The following ENDOU variants were observed in gnomAD, a reference collection of about 807,000 sequenced individuals.
ENDOU encodes the protein endonuclease, poly(U) specific, also known as uridylate-specific endoribonuclease.
Under a neutral mutation model 54.2 loss-of-function variants are expected in ENDOU, and 49 were observed. The ratio of observed to expected loss-of-function variants is 0.90; its 90% CI spans 0.72 to 1.15. ENDOU has a LOEUF of 1.15. Ranked by LOEUF, ENDOU falls within the 50% of genes most tolerant of loss-of-function variation. ENDOU has a pLI of 0.00. For synonymous variants in ENDOU, 172 were observed against 190.5 expected, an observed-to-expected ratio of 0.90 and a Z score of 0.80; for missense variants, 458 against 511.4, an observed-to-expected ratio of 0.90 and a Z score of 1.01.
intron 4 of ENDOU, 162 bp downstream of exon 4, chr12:47,717,356 C>T (rs1940285086): frequency 2.5e-6 from 2 of 804,706 alleles, no homozygotes; most frequent in Non-Finnish European, 4.0e-6. Context: ...AGTCCCATCC[C>T]TAGAGTTTCT....
At position 47,716,888 on chromosome 12, in the gene ENDOU, A is replaced by C. The variant is rs1940261137; in HGVS notation, c.551+2T>G. On this transcript the variant is annotated splice_donor_variant, in intron 5 of 9. Transcript: ENST00000422538. LOFTEE classifies it high-confidence loss of function. Reference sequence around the variant, plus strand: ...GTAGAAAGAGGAATTGTGGGAACTCACGGCTTTGGGCAGCGATCCACTTGG... The same window carrying C: ...GTAGAAAGAGGAATTGTGGGAACTCCCGGCTTTGGGCAGCGATCCACTTGG... 2 of 1,613,884 alleles carry C rather than the reference A, an allele frequency of 1.2e-6. No homozygotes were observed. Among genetic ancestry groups the C allele is most frequent in the Non-Finnish European group, 1.7e-6 (2 of 1,180,008 alleles).
chr12:47,711,009 G>T, intron 9 of ENDOU, 90 bp from the exon 10 acceptor site: 2 of 799,374 alleles, frequency 2.5e-6, no homozygotes, highest in Non-Finnish European at 2.1e-6. Flanking sequence ...TGAAGCAGAA[G>T]GGCTCCATTC....
intron 1 of ENDOU, among the ~76,000 whole-genome samples, chr12:47,722,425 G>A (rs938307747): frequency 1.3e-5 from 2 of 152,212 alleles, no homozygotes; most frequent in African/African-American, 4.8e-5. Flanking sequence ...ATCTGTAAAA[G>A]TGGGATGATA....
chr12:47,710,772 C>T lies in ENDOU; in HGVS notation c.*30G>A, dbSNP rs377219240. On this transcript the variant is annotated 3_prime_UTR_variant, in exon 10 of 10. Coordinates refer to ENST00000422538, the MANE Select transcript of ENDOU (RefSeq NM_001172439.2). Reference sequence around the variant, plus strand: ...GATAGCACTTCAGTCTCGCAAGAGCCCTCATGCCCCTTTCTGGCTCGAAGT... The same window carrying T: ...GATAGCACTTCAGTCTCGCAAGAGCTCTCATGCCCCTTTCTGGCTCGAAGT... 6.8e-7 allele frequency: 1 copy of T among 1,464,750 alleles called. No individual in the cohort carries two copies. Among genetic ancestry groups the T allele is most frequent in the Non-Finnish European group, 9.6e-7 (1 of 1,043,670 alleles). 90.7% of individuals were successfully genotyped at this position (1,464,750 alleles called of 1,614,324 possible).
chr12:47,720,760 C>T lies in ENDOU; in HGVS notation c.171G>A (p.Leu57=). The change falls in exon 2 of 10, where the codon CTG becomes CTA. Residue 57 remains leucine (L), a synonymous_variant. Transcript: ENST00000422538. ...TCTCACAAGGAGGCTCACCAGTACA[C>T]AGATGTTCATAGTCTTCACAGCAGT... is the stretch of plus-strand genomic sequence containing the variant. ...HGNCCEDYEH[L]CTEDHKESEP... The T allele has an allele frequency of 3.9e-6, 6 of 1,536,116 alleles. No individual in the cohort carries two copies. The highest frequency in any genetic ancestry group is 5.2e-6 in the Non-Finnish European group (6 of 1,146,910).
intron 1 of ENDOU, among the ~76,000 whole-genome samples, chr12:47,721,078 A>G (rs1022531500): frequency 6.6e-6 from 1 of 152,102 alleles, no homozygotes; most frequent in Admixed American, 6.6e-5. Context: ...CAAATATTTC[A>G]AGGCTCATCA....
chr12:47,720,726 A>T (rs1488647174), intron 2 of ENDOU, 27 bp downstream of exon 2: 17 of 1,534,810 alleles, frequency 1.1e-5, no homozygotes, highest in South Asian at 3.6e-5. Flanking sequence ...CAGGCTGGAC[A>T]TGCCTTCGTC....
chr12:47,710,970 C>G (rs754033737), intron 9 of ENDOU, 51 bp from the exon 10 acceptor site: 2 of 1,250,182 alleles, frequency 1.6e-6, no homozygotes, highest in Non-Finnish European at 2.3e-6. Flanking sequence ...CACGCTGCCT[C>G]TCCCTGGGCT....
chr12:47,711,557 GTCTCTT>G, intron 9 of ENDOU, 70 bp downstream of exon 9: 4 of 1,508,172 alleles, frequency 2.7e-6, no homozygotes, highest in Non-Finnish European at 3.6e-6. Context: ...CAGAGTCCAG[GTCTCTT>G]GACTCTGTGA....
In ENDOU at chr12:47,717,585, G is replaced by C; in HGVS notation, c.315C>G (p.His105Gln). ...CAAACTCTTGGCAGCGGGCATTGCA[G>C]TGACATTGGTGGTGCTTGTCAAAGG... ...YEAFDKHHQCHCNARCQEFGN... is the reference protein window; with the variant it reads ...YEAFDKHHQCQCNARCQEFGN... Residue 105 changes from histidine to glutamine, a missense_variant, in exon 4 of 10, where the codon CAC becomes CAG. Coordinates refer to ENST00000422538, the MANE Select transcript of ENDOU (RefSeq NM_001172439.2). 1 of 1,614,204 alleles carries C rather than the reference G, an allele frequency of 6.2e-7. No homozygotes were observed. Among genetic ancestry groups the C allele is most frequent in the Non-Finnish European group, 8.5e-7 (1 of 1,180,030 alleles).
intron 2 of ENDOU, chr12:47,719,367 G>T (rs1940358397): frequency 6.6e-6 from 1 of 152,124 alleles, no homozygotes. Flanking sequence ...GGAAGGAGGT[G>T]TATGTGTGTG....
intron 1 of ENDOU, among the ~76,000 whole-genome samples, chr12:47,722,282 G>A (rs1230170638): frequency 2.6e-5 from 4 of 152,240 alleles, no homozygotes; most frequent in Admixed American, 1.3e-4. Context: ...TGTCTAATGA[G>A]GGACAGCATA....
In ENDOU at chr12:47,720,525, A is replaced by T. The variant is rs569409632; in HGVS notation, c.178+228T>A. ...GATATTGTTAAAACTGATATTTCAG[A>T]CAGAAATTCTAGGTAAATGACATCT... On this transcript the variant is annotated intron_variant, in intron 2 of 9. Coordinates refer to ENST00000422538, the MANE Select transcript of ENDOU (RefSeq NM_001172439.2). 4.8e-4 allele frequency: 191 copies of T among 395,488 alleles called. 1 individual carries two copies. The highest frequency in any genetic ancestry group is 7.8e-4 in the Non-Finnish European group (176 of 224,278). The allele number at this position is 395,488 out of a possible 1,614,324, so 24.5% of individuals were successfully genotyped here. A position where few individuals can be genotyped will look rare whatever the true frequency, so the allele number is the denominator to read the frequency against.
chr12:47,714,386 T>C (rs1306722308), intron 6 of ENDOU, among the ~76,000 whole-genome samples: 1 of 152,228 alleles, frequency 6.6e-6, no homozygotes, highest in Non-Finnish European at 1.5e-5. Flanking sequence ...CCTGGCTGTG[T>C]ATGTTAAAAA....
Position 47,720,763 on chromosome 12 carries a change from A to T in ENDOU, c.168T>A (p.His56Gln), listed in dbSNP as rs1286699411. The change falls in exon 2 of 10, where the codon CAT becomes CAA. Residue 56 changes from histidine (H) to glutamine (Q), a missense_variant. Physicochemically the swap from His to Gln is conservative, Grantham distance 24. Transcript: ENST00000422538. ...WHGNCCEDYE[H>Q]LCTEDHKESE... is the part of the protein sequence containing the mutation. ...CACAAGGAGGCTCACCAGTACACAG[A>T]TGTTCATAGTCTTCACAGCAGTTCC... The T allele has an allele frequency of 2.0e-6, 3 of 1,536,004 alleles. No homozygotes were observed. Among genetic ancestry groups the T allele is most frequent in the African/African-American group, 1.4e-5 (1 of 73,062 alleles).
chr12:47,723,926 T>C (rs1341012840), intron 1 of ENDOU, among the ~76,000 whole-genome samples: 1 of 152,238 alleles, frequency 6.6e-6, no homozygotes, highest in Non-Finnish European at 1.5e-5. Flanking sequence ...GTGATTCATA[T>C]TCTTGCCTCT....
chr12:47,720,937 C>T lies in ENDOU; in HGVS notation c.56-62G>A, dbSNP rs1381839692. On this transcript the variant is annotated intron_variant, in intron 1 of 9. Coordinates refer to ENST00000422538, the MANE Select transcript of ENDOU (RefSeq NM_001172439.2). ...AGACCCTGTTCTCCCCAGGGTGCCT[C>T]CTGCAGGAGGGTTCACAGACCAGGG... 5.3e-6 allele frequency: 8 copies of T among 1,513,346 alleles called. No homozygotes were observed. In the African/African-American group the frequency reaches 5.5e-5, roughly 10 times the overall value. The allele number at this position is 1,513,346 out of a possible 1,614,324, so 93.7% of individuals were successfully genotyped here.
At chr12:47,716,538 A>C in intron 5 of ENDOU, 39 bp from the exon 6 acceptor site, 1 of 1,595,354 alleles carries the variant, frequency 6.3e-7, no homozygotes, top group Non-Finnish European at 8.6e-7. Context: ...AGAGCCCCAA[A>C]CACAGGGCAG....
At chr12:47,714,295 C>A (rs777160037) in intron 6 of ENDOU, among the ~76,000 whole-genome samples, 2 of 152,230 alleles carry the variant, frequency 1.3e-5, no homozygotes, top group Non-Finnish European at 2.9e-5. Context: ...TCTTTAACAA[C>A]TCTATAGCTT....
Sources: allele counts gnomAD v4.1 joint callset (sites outside exome capture counted in the v4.1 genomes callset), GRCh38; gene constraint gnomAD v4.1.1; transcripts MANE v1.5; gene names NCBI Gene and HGNC (gene_info 2026-07-23, HGNC 2026-07-21).